Variants in CSMD1 observed in about 807,000 individuals in gnomAD.
The protein encoded by CSMD1 is CUB and Sushi multiple domains 1, also known as CUB and sushi domain-containing protein 1.
In CSMD1, 213 loss-of-function variants were observed where a neutral mutation model predicts 417.5. That is an observed-to-expected ratio of 0.51 (90% CI 0.46 to 0.57). The LOEUF is 0.57. Among genes scored for constraint, CSMD1 ranks in the 20% least tolerant of loss-of-function variants. CSMD1 has a pLI of 0.00. For missense variants in CSMD1, 6,923 were observed against 4,529.7 expected, an observed-to-expected ratio of 1.53 and a Z score of -15.17; for synonymous variants, 2,862 against 1,736.8, an observed-to-expected ratio of 1.65 and a Z score of -16.11.
chr8:4,056,336 G>C (rs1798689004), intron 3 of CSMD1, among the ~76,000 whole-genome samples: 1 of 151,148 alleles, frequency 6.6e-6, no homozygotes, highest in South Asian at 2.1e-4. Context: ...ACCCGCGTCA[G>C]CCTCCCAAAG....
At chr8:3,768,408 C>A (rs1328815576) in intron 5 of CSMD1, among the ~76,000 whole-genome samples, 3 of 152,124 alleles carry the variant, frequency 2.0e-5, no homozygotes, top group Non-Finnish European at 4.4e-5. Flanking sequence ...TTAGATCAAT[C>A]CATGTTTATA....
intron 21 of CSMD1, among the ~76,000 whole-genome samples, chr8:3,354,875 A>AGATCTATAGATATGTC (rs1424228406): frequency 1.4e-5 from 1 of 71,522 alleles, no homozygotes; most frequent in African/African-American, 7.1e-5. Flanking sequence ...AGATATACAT[A>AGATCTATAGATATGTC]TATCTATAGA....
intron 2 of CSMD1, among the ~76,000 whole-genome samples, chr8:4,568,785 A>G (rs7826384): frequency 0.85 from 129,102 of 152,180 alleles, 54,819 homozygotes; most frequent in Non-Finnish European, 0.87. Context: ...AGCATCTGTT[A>G]TTTCCTGACT....
At chr8:4,706,187 A>T (rs1011688502) in intron 1 of CSMD1, among the ~76,000 whole-genome samples, 1 of 151,454 alleles carries the variant, frequency 6.6e-6, no homozygotes, top group Non-Finnish European at 1.5e-5. Context: ...TTTTTTCAAT[A>T]TATTTTTTCC....
At position 3,976,217 on chromosome 8, in the gene CSMD1, T is replaced by G. The variant is rs1207387545; in HGVS notation, c.818+21686A>C. Among the ~76,000 whole-genome samples the G allele has an allele frequency of 3.3e-5, 5 of 152,324 alleles. No homozygotes were observed. In the East Asian group the frequency reaches 9.6e-4, roughly 29 times the overall value. ...TTTTAAAATGACATATGTACTGGTTTCAAAAATACTTTAAATACCATTTTA... is the reference window on the plus strand; with the variant it reads ...TTTTAAAATGACATATGTACTGGTTGCAAAAATACTTTAAATACCATTTTA... On this transcript the variant is annotated intron_variant, in intron 5 of 69. Transcript: ENST00000635120.
At chr8:3,831,933 T>G (rs1282050749) in intron 5 of CSMD1, among the ~76,000 whole-genome samples, 1 of 152,180 alleles carries the variant, frequency 6.6e-6, no homozygotes, top group East Asian at 1.9e-4. Context: ...CCCCAGAGAT[T>G]AGTCCTGGAA....
intron 6 of CSMD1, among the ~76,000 whole-genome samples, chr8:3,740,929 G>T (rs888115622): frequency 6.6e-6 from 1 of 152,018 alleles, no homozygotes; most frequent in Non-Finnish European, 1.5e-5. Context: ...GAAGAAGATA[G>T]AGGGGGCCAG....
chr8:4,233,863 C>T (rs928774237), intron 3 of CSMD1, among the ~76,000 whole-genome samples: 1 of 151,840 alleles, frequency 6.6e-6, no homozygotes. Flanking sequence ...AGAATCTAAT[C>T]CTGAGAATTT....
intron 11 of CSMD1, among the ~76,000 whole-genome samples, chr8:3,488,974 C>A (rs1818215952): frequency 6.6e-6 from 1 of 151,690 alleles, no homozygotes; most frequent in South Asian, 2.1e-4. Flanking sequence ...TCTTTATTAC[C>A]AACATCAATT....
chr8:3,479,058 C>G, intron 11 of CSMD1, among the ~76,000 whole-genome samples: 1 of 152,102 alleles, frequency 6.6e-6, no homozygotes, highest in South Asian at 2.1e-4. Flanking sequence ...CTTCTGCCCC[C>G]TCAGCCAGCA....
At chr8:3,102,633 A>C (rs900745304) in intron 46 of CSMD1, among the ~76,000 whole-genome samples, 1 of 152,196 alleles carries the variant, frequency 6.6e-6, no homozygotes, top group Non-Finnish European at 1.5e-5. Context: ...AACAGCATGC[A>C]CTTCTGAGGG....
chr8:4,352,016 A>G (rs1418543864), intron 3 of CSMD1, among the ~76,000 whole-genome samples: 1 of 151,434 alleles, frequency 6.6e-6, no homozygotes, highest in Non-Finnish European at 1.5e-5. Flanking sequence ...GACTAATGCA[A>G]TGCTGATCGT....
intron 25 of CSMD1, among the ~76,000 whole-genome samples, chr8:3,301,230 T>G (rs893598351): frequency 3.3e-5 from 5 of 152,010 alleles, no homozygotes; most frequent in African/African-American, 2.4e-5. Context: ...GTAGGAGCAG[T>G]GGGTGCAAGG....
chr8:4,739,071 CAT>C (rs1268248103), intron 1 of CSMD1, among the ~76,000 whole-genome samples: 2 of 152,260 alleles, frequency 1.3e-5, no homozygotes, highest in Non-Finnish European at 2.9e-5. Context: ...TAAACACACA[CAT>C]GTGCACACAC....
At chr8:3,998,337 G>A (rs1585105357) in intron 4 of CSMD1, among the ~76,000 whole-genome samples, 2 of 152,176 alleles carry the variant, frequency 1.3e-5, no homozygotes, top group African/African-American at 4.8e-5. Flanking sequence ...TTGCGGGAAA[G>A]ATGGAAACGG....
At chr8:4,664,562 A>AAAAT (rs1335531098) in intron 1 of CSMD1, among the ~76,000 whole-genome samples, 5 of 152,196 alleles carry the variant, frequency 3.3e-5, no homozygotes, top group East Asian at 1.9e-4. Context: ...GCGTGTCTTG[A>AAAAT]AAATAAAGAA....
At chr8:3,824,069 T>C (rs1156685012) in intron 5 of CSMD1, among the ~76,000 whole-genome samples, 1 of 152,134 alleles carries the variant, frequency 6.6e-6, no homozygotes, top group Non-Finnish European at 1.5e-5. Flanking sequence ...ATCCTGGTGA[T>C]TTGTAGAAAA....
intron 2 of CSMD1, among the ~76,000 whole-genome samples, chr8:4,566,366 T>G (rs910652024): frequency 2.6e-5 from 4 of 152,066 alleles, no homozygotes; most frequent in African/African-American, 4.8e-5. Context: ...TATAAGAAAT[T>G]TAGTTGGCCG....
chr8:3,465,460 A>G (rs1816743776), intron 12 of CSMD1, among the ~76,000 whole-genome samples: 4 of 152,122 alleles, frequency 2.6e-5, no homozygotes, highest in Admixed American at 2.6e-4. Flanking sequence ...CTCCTGGTCC[A>G]CGTGTCCTGA....
Sources: gnomAD v4.1 joint callset for allele counts (sites outside exome capture counted in the v4.1 genomes callset) on GRCh38, gnomAD v4.1.1 for gene constraint, MANE v1.5 for transcripts, NCBI Gene and HGNC (gene_info 2026-07-23, HGNC 2026-07-21) for gene names.